Variants in UXS1 observed in about 807,000 individuals in gnomAD.
UXS1 encodes the protein UDP-glucuronic acid decarboxylase 1.
UXS1 carries 33 observed loss-of-function variants against 62.6 expected under a neutral mutation model. The observed-to-expected ratio is 0.53, with a 90% confidence interval of 0.40 to 0.70. The LOEUF (loss-of-function observed/expected upper bound fraction) is 0.70. Ranked by LOEUF, UXS1 falls within the 30% of genes least tolerant of loss-of-function variation. The pLI is 0.00. For missense variants in UXS1, 434 were observed against 556.3 expected, an observed-to-expected ratio of 0.78 and a Z score of 2.21; for synonymous variants, 213 against 206.8, an observed-to-expected ratio of 1.03 and a Z score of -0.26.
chr2:106,131,154 T>C (rs1336370214), intron 6 of UXS1, among the ~76,000 whole-genome samples: 1 of 149,048 alleles, frequency 6.7e-6, no homozygotes, highest in South Asian at 2.2e-4. Flanking sequence ...CGGACGCACC[T>C]GGAAAATCGG....
At chr2:106,169,048 CTTG>C (rs1281924121) in intron 1 of UXS1, among the ~76,000 whole-genome samples, 15 of 152,152 alleles carry the variant, frequency 9.9e-5, no homozygotes. Context: ...ACTCTATGTC[CTTG>C]TTGTCCTGTT....
intron 7 of UXS1, among the ~76,000 whole-genome samples, chr2:106,127,504 C>T (rs1006900223): frequency 2.0e-5 from 3 of 152,152 alleles, no homozygotes; most frequent in Non-Finnish European, 4.4e-5. Flanking sequence ...GAATGACTCA[C>T]GCAGGATCTA....
At chr2:106,134,280 CAA>C (rs1330713900) in intron 6 of UXS1, among the ~76,000 whole-genome samples, 2 of 110,668 alleles carry the variant, frequency 1.8e-5, no homozygotes, top group Non-Finnish European at 3.7e-5. Flanking sequence ...GTTTACCAAC[CAA>C]AAAGAGTCCA....
chr2:106,170,403 C>T (rs535416613), intron 1 of UXS1, among the ~76,000 whole-genome samples: 1 of 152,314 alleles, frequency 6.6e-6, no homozygotes, highest in African/African-American at 2.4e-5. Flanking sequence ...GGTCTCACTG[C>T]AAGATGAGGC....
chr2:106,154,841 T>A (rs1293181121), intron 5 of UXS1, among the ~76,000 whole-genome samples: 2 of 152,184 alleles, frequency 1.3e-5, no homozygotes, highest in Non-Finnish European at 2.9e-5. Context: ...ATTAGTTCAT[T>A]TTGTGCTGCC....
chr2:106,142,277 GA>G (rs1207719114), intron 6 of UXS1, among the ~76,000 whole-genome samples: 3 of 152,028 alleles, frequency 2.0e-5, no homozygotes, highest in African/African-American at 7.2e-5. Context: ...TCATCATCAG[GA>G]AAAAAGTTTC....
intron 14 of UXS1, among the ~76,000 whole-genome samples, chr2:106,095,562 C>G (rs2104818239): frequency 6.6e-6 from 1 of 152,328 alleles, no homozygotes; most frequent in African/African-American, 2.4e-5. Flanking sequence ...CTGACTGCGC[C>G]ACAACCCAAG....
chr2:106,192,026 C>G (rs189667730), intron 1 of UXS1, among the ~76,000 whole-genome samples: 4 of 152,282 alleles, frequency 2.6e-5, no homozygotes, highest in Admixed American at 2.6e-4. Context: ...CCCAGACCAA[C>G]TGAATCAGAA....
chr2:106,113,743 G>A (rs992931264), intron 9 of UXS1, among the ~76,000 whole-genome samples: 2 of 152,234 alleles, frequency 1.3e-5, no homozygotes, highest in Admixed American at 6.5e-5. Flanking sequence ...AGCCTGGGGC[G>A]TGAGGACCTG....
At chr2:106,163,364 T>A (rs568078186) in intron 4 of UXS1, among the ~76,000 whole-genome samples, 36 of 152,338 alleles carry the variant, frequency 2.4e-4, no homozygotes, top group African/African-American at 8.7e-4. Flanking sequence ...CCTCCTATTT[T>A]GGAATTCTAT....
At chr2:106,118,937 T>G (rs12614950) in intron 9 of UXS1, among the ~76,000 whole-genome samples, 18,668 of 152,194 alleles carry the variant, frequency 0.12, 1,609 homozygotes, top group East Asian at 0.35. Context: ...TTAATTAAAG[T>G]TGTTAAAATA....
At chr2:106,146,497 T>C (rs2105001410) in intron 5 of UXS1, among the ~76,000 whole-genome samples, 1 of 152,234 alleles carries the variant, frequency 6.6e-6, no homozygotes, top group South Asian at 2.1e-4. Context: ...CACCTGGATT[T>C]GAGTGGAGTG....
At position 106,120,574 on chromosome 2, in the gene UXS1, T is replaced by C. The variant is rs150237061; in HGVS notation, c.759+2396A>G. 6.7e-4 allele frequency among the ~76,000 whole-genome samples: 102 copies of C among 152,292 alleles called. 2 individuals carry two copies. In the East Asian group the frequency reaches 0.019, roughly 28 times the overall value. ...GTGCTAAGTAGAGTGTGAGCCCCAA[T>C]GAAACTACAGTTTACTGACCTGTTG... On this transcript the variant is annotated intron_variant, in intron 9 of 14. Transcript: ENST00000283148.
In UXS1 at chr2:106,096,668, G is replaced by T. The variant is rs568521716; in HGVS notation, c.1146+50C>A. ...CAGTGCCTACAGGACAGCAGACACA[G>T]GACACGGGAGGCCCCTCCCCACAAG... On this transcript the variant is annotated intron_variant, in intron 14 of 14. Coordinates refer to ENST00000283148, the MANE Select transcript of UXS1 (RefSeq NM_001253875.2). 2.2e-5 allele frequency: 33 copies of T among 1,491,508 alleles called. No individual in the cohort carries two copies. In the East Asian group the frequency reaches 7.6e-4, roughly 34 times the overall value. 92.4% of individuals were successfully genotyped at this position (1,491,508 alleles called of 1,614,324 possible).
chr2:106,111,245 G>T (rs1454158761), intron 10 of UXS1, among the ~76,000 whole-genome samples: 1 of 152,184 alleles, frequency 6.6e-6, no homozygotes, highest in African/African-American at 2.4e-5. Flanking sequence ...AGGATGTGCT[G>T]GTGGATCTGT....
At chr2:106,173,069 C>G (rs977149134) in intron 1 of UXS1, among the ~76,000 whole-genome samples, 2 of 152,190 alleles carry the variant, frequency 1.3e-5, no homozygotes, top group Non-Finnish European at 2.9e-5. Context: ...GCTAATATAC[C>G]TATTTATATC....
rs572168281 is a variant in UXS1, at chr2:106,145,341, G to A, written c.321C>T (p.Ser107=). The A allele has an allele frequency of 1.2e-6, 2 of 1,613,798 alleles. No homozygotes were observed. The highest frequency in any genetic ancestry group is 1.3e-5 in the African/African-American group (1 of 75,030). ...LITGGAGFVG[S]HLTDKLMMDG... ...CCATCATGAGTTTGTCAGTTAGATG[G>A]GAGCCCACGAACCCTGCGCCTCCTG... The change falls in exon 6 of 15, where the codon TCC becomes TCT. Residue 107 remains serine (S), a synonymous_variant. Transcript: ENST00000283148.
intron 1 of UXS1, among the ~76,000 whole-genome samples, chr2:106,180,938 G>A (rs1268020583): frequency 6.6e-6 from 1 of 152,172 alleles, no homozygotes; most frequent in African/African-American, 2.4e-5. Flanking sequence ...AGAGATGTAG[G>A]CTCCACCTAA....
Position 106,194,169 on chromosome 2 carries a change from C to T in UXS1, c.73G>A (p.Ala25Thr), listed in dbSNP as rs1460553384. ...RRRMKLLLGI[A>T]LLAYVASVWG... Reference sequence around the variant, plus strand: ...TCACAGGCGACGTAGGCCAGCAAGGCGATGCCCAGCAGCAGCTTCATCCTC... The same window carrying T: ...TCACAGGCGACGTAGGCCAGCAAGGTGATGCCCAGCAGCAGCTTCATCCTC... Residue 25 changes from alanine (A) to threonine (T), a missense_variant, in exon 1 of 15, where the codon GCC (alanine) becomes ACC (threonine). By Grantham distance (58) the Ala-to-Thr change is moderately conservative. This residue lies in a region of UXS1 where 91 missense variants were observed against 71.1 expected (regional missense o/e 1.28). Transcript: ENST00000283148. The T allele has an allele frequency of 1.8e-5, 26 of 1,484,572 alleles. No homozygotes were observed. Among genetic ancestry groups the T allele is most frequent in the East Asian group, 3.0e-5 (1 of 33,630 alleles). The allele number at this position is 1,484,572 out of a possible 1,614,324, so 92.0% of individuals were successfully genotyped here. A position where few individuals can be genotyped will look rare whatever the true frequency, so the allele number is the denominator to read the frequency against.
Sources: gnomAD v4.1 joint callset for allele counts (sites outside exome capture counted in the v4.1 genomes callset) on GRCh38, gnomAD v4.1.1 for gene constraint, gnomAD v4.1.1 regional missense constraint, MANE v1.5 for transcripts, NCBI Gene and HGNC (gene_info 2026-07-23, HGNC 2026-07-21) for gene names.